The following TMEM131L variants were observed in gnomAD, a reference collection of about 807,000 sequenced individuals.
TMEM131L encodes transmembrane protein 131-like.
Under a neutral mutation model 192.2 loss-of-function variants are expected in TMEM131L, and 54 were observed. The ratio of observed to expected loss-of-function variants is 0.28; its 90% CI spans 0.23 to 0.35. The LOEUF (loss-of-function observed/expected upper bound fraction) is 0.35, where lower values mean the gene tolerates loss of function less well. Ranked by LOEUF, TMEM131L falls within the 10% of genes least tolerant of loss-of-function variation. The pLI is 1.00. For synonymous variants in TMEM131L, 701 were observed against 704.9 expected (o/e 0.99, Z 0.09); for missense variants, 1,888 against 1,972.9 (o/e 0.96, Z 0.82).
chr4:153,634,248 T>G lies in TMEM131L; in HGVS notation c.4385T>G (p.Leu1462Trp). ...CAGTTTTCCAGCGCATACTGTCCAT[T>G]GGAATTGAACGATTACAATGCCTTT... ...EGQFSSAYCP[L>W]ELNDYNAFPE... Residue 1462 changes from leucine to tryptophan, a missense_variant, in exon 33 of 35, where the codon TTG (leucine) becomes TGG (tryptophan). Leu to Trp is a moderately conservative substitution (Grantham distance 61). Transcript: ENST00000409959. 6.2e-7 allele frequency: 1 copy of G among 1,614,138 alleles called. No individual in the cohort carries two copies. The highest frequency in any genetic ancestry group is 8.5e-7 in the Non-Finnish European group (1 of 1,179,958).
chr4:153,595,400 G>A (rs926193436), intron 19 of TMEM131L, among the ~76,000 whole-genome samples: 3 of 152,152 alleles, frequency 2.0e-5, no homozygotes, highest in African/African-American at 7.2e-5. Context: ...CATATTACCT[G>A]CGTAAAGCAG....
rs544618599 is a variant in TMEM131L at position 153,594,330 on chromosome 4, A to G, written c.1995+459A>G. On this transcript the variant is annotated intron_variant, in intron 19 of 34. Coordinates refer to ENST00000409959, the MANE Select transcript of TMEM131L (RefSeq NM_001131007.2). The stretch of plus-strand genomic sequence containing the variant: ...CTTATCTATAAAAAAGGACTACTCT[A>G]AAATTCTTAAGCCTGTGGGCAGTCA... Among the ~76,000 whole-genome samples, 8 of 152,334 alleles carry G rather than the reference A, an allele frequency of 5.3e-5. No homozygotes were observed. The South Asian group carries it at 6.2e-4, about 12-fold the overall frequency.
At chr4:153,567,657 G>A (rs935892660) in intron 7 of TMEM131L, among the ~76,000 whole-genome samples, 2 of 151,358 alleles carry the variant, frequency 1.3e-5, no homozygotes, top group Non-Finnish European at 2.9e-5. Flanking sequence ...CAATTCTCCT[G>A]TCTCAGCCTC....
chr4:153,624,284 A>C (rs555678773), intron 29 of TMEM131L, among the ~76,000 whole-genome samples: 106 of 151,944 alleles, frequency 7.0e-4, no homozygotes, highest in African/African-American at 2.1e-3. Flanking sequence ...ATGCCCGTCT[A>C]ATTTTTGTAT....
chr4:153,563,455 C>CTTTT, intron 7 of TMEM131L, among the ~76,000 whole-genome samples: 1 of 128,726 alleles, frequency 7.8e-6, no homozygotes, highest in Non-Finnish European at 1.7e-5. Flanking sequence ...GGATATGTAC[C>CTTTT]CTTTTTTTTT....
chr4:153,562,396 GA>G (rs1305576700), intron 7 of TMEM131L, among the ~76,000 whole-genome samples: 1 of 152,076 alleles, frequency 6.6e-6, no homozygotes. Context: ...TTAAACCTAA[GA>G]AATAATTGTG....
chr4:153,589,250 C>T (rs191713619), intron 16 of TMEM131L, among the ~76,000 whole-genome samples: 3 of 152,148 alleles, frequency 2.0e-5, no homozygotes, highest in East Asian at 1.9e-4. Flanking sequence ...TCTATTAAGT[C>T]GACAACTTTC....
chr4:153,487,681 G>A (rs941439746), intron 3 of TMEM131L, among the ~76,000 whole-genome samples: 1 of 150,188 alleles, frequency 6.7e-6, no homozygotes, highest in East Asian at 2.0e-4. Flanking sequence ...GGCCCCTGTG[G>A]AGCTGCACAG....
intron 17 of TMEM131L, among the ~76,000 whole-genome samples, chr4:153,591,464 T>A (rs778482675): frequency 6.6e-6 from 1 of 151,946 alleles, no homozygotes; most frequent in Non-Finnish European, 1.5e-5. Flanking sequence ...TAACTAGGAG[T>A]CATTTTATAA....
At chr4:153,611,289 A>G (rs1156255036) in intron 25 of TMEM131L, among the ~76,000 whole-genome samples, 1 of 152,228 alleles carries the variant, frequency 6.6e-6, no homozygotes, top group Non-Finnish European at 1.5e-5. Context: ...ACTGTCAAAC[A>G]AGAGAGGCAA....
chr4:153,531,698 A>G (rs756908847), intron 3 of TMEM131L, among the ~76,000 whole-genome samples: 1 of 152,202 alleles, frequency 6.6e-6, no homozygotes, highest in Non-Finnish European at 1.5e-5. Flanking sequence ...TTTATAGTTA[A>G]AGGAAAAAGA....
intron 26 of TMEM131L, among the ~76,000 whole-genome samples, chr4:153,619,899 A>T (rs1212432699): frequency 7.9e-5 from 12 of 152,176 alleles, no homozygotes; most frequent in Non-Finnish European, 1.6e-4. Context: ...CCTGGAGAAG[A>T]TTTATCTTCC....
intron 3 of TMEM131L, among the ~76,000 whole-genome samples, chr4:153,517,038 G>A (rs1286283264): frequency 6.6e-6 from 1 of 151,960 alleles, no homozygotes; most frequent in Non-Finnish European, 1.5e-5. Flanking sequence ...TGTTGGCCAG[G>A]CTGGTCTCAA....
intron 3 of TMEM131L, among the ~76,000 whole-genome samples, chr4:153,476,201 C>T (rs553192096): frequency 4.6e-5 from 7 of 152,222 alleles, no homozygotes; most frequent in South Asian, 4.1e-4. Flanking sequence ...TCAGGTTATC[C>T]GCCGGCCTCA....
intron 20 of TMEM131L, among the ~76,000 whole-genome samples, chr4:153,597,152 T>C (rs1731495509): frequency 6.6e-6 from 1 of 152,084 alleles, no homozygotes; most frequent in African/African-American, 2.4e-5. Flanking sequence ...AAATGAATGA[T>C]ACTAAAAAAA....
At chr4:153,546,802 C>T (rs1273159736) in intron 3 of TMEM131L, among the ~76,000 whole-genome samples, 1 of 152,220 alleles carries the variant, frequency 6.6e-6, no homozygotes, top group Non-Finnish European at 1.5e-5. Context: ...TGGCGCATGC[C>T]TGTAAACCCA....
chr4:153,576,643 AC>A (rs1185666283), intron 7 of TMEM131L, among the ~76,000 whole-genome samples: 1 of 151,814 alleles, frequency 6.6e-6, no homozygotes, highest in Non-Finnish European at 1.5e-5. Flanking sequence ...TCAGGTTAAG[AC>A]CTTAACATAG....
intron 29 of TMEM131L, among the ~76,000 whole-genome samples, chr4:153,623,506 A>T (rs1005481977): frequency 6.6e-6 from 1 of 152,026 alleles, no homozygotes; most frequent in Non-Finnish European, 1.5e-5. Context: ...ATAACTCTGC[A>T]TTGCTCCCTC....
chr4:153,508,676 T>A (rs1380609219), intron 3 of TMEM131L, among the ~76,000 whole-genome samples: 2 of 151,572 alleles, frequency 1.3e-5, no homozygotes, highest in Admixed American at 6.6e-5. Flanking sequence ...TGTTTTTTTT[T>A]AATTTTTTTT....
Sources: gnomAD v4.1 joint callset for allele counts (sites outside exome capture counted in the v4.1 genomes callset) on GRCh38, gnomAD v4.1.1 for gene constraint, MANE v1.5 for transcripts, NCBI Gene and HGNC (gene_info 2026-07-23, HGNC 2026-07-21) for gene names.